Variants in CCDC57 observed in about 807,000 individuals in gnomAD.
CCDC57 encodes the protein coiled-coil domain containing 57, also known as coiled-coil domain-containing protein 57.
In CCDC57, 118 loss-of-function variants were observed where a neutral mutation model predicts 118.9. The ratio of observed to expected loss-of-function variants is 0.99; its 90% CI spans 0.86 to 1.16. CCDC57 has a LOEUF of 1.16. Among genes scored for constraint, CCDC57 ranks in the 50% most tolerant of loss-of-function variants. The pLI, the probability that CCDC57 is intolerant of heterozygous loss-of-function variation, is 0.00. For missense variants in CCDC57, 1,300 were observed against 1,320.7 expected (o/e 0.98, Z 0.24); for synonymous variants, 527 against 532.9 (o/e 0.99, Z 0.15).
chr17:82,152,081 T>C, intron 15 of CCDC57: 2 of 380,312 alleles, frequency 5.3e-6, no homozygotes, highest in Non-Finnish European at 9.7e-6. Flanking sequence ...CATCTATGCC[T>C]TTGTGTCTTT....
At chr17:82,187,396 A>T (rs1248570212) in intron 8 of CCDC57, among the ~76,000 whole-genome samples, 3 of 147,938 alleles carry the variant, frequency 2.0e-5, no homozygotes. Flanking sequence ...ATGTGGACAA[A>T]CTTTGAGGAC....
At chr17:82,122,177 C>T (rs752560616) in intron 19 of CCDC57, among the ~76,000 whole-genome samples, 26 of 152,238 alleles carry the variant, frequency 1.7e-4, no homozygotes, top group Non-Finnish European at 2.9e-4. Flanking sequence ...TCCTTCAGAG[C>T]CTGTGGCCGG....
At chr17:82,157,586 G>A (rs1599005803) in intron 15 of CCDC57, 162 bp downstream of exon 14, 2 of 1,435,900 alleles carry the variant, frequency 1.4e-6, no homozygotes, top group East Asian at 2.5e-5. Context: ...AATGGGGAGA[G>A]GGGGTGGAGC....
intron 16 of CCDC57, among the ~76,000 whole-genome samples, chr17:82,147,380 A>G: frequency 7.0e-6 from 1 of 143,320 alleles, no homozygotes. Flanking sequence ...GGCTAATTGG[A>G]TACATGGGTG....
At chr17:82,206,660 T>A (rs2049689489) in intron 2 of CCDC57, among the ~76,000 whole-genome samples, 1 of 152,058 alleles carries the variant, frequency 6.6e-6, no homozygotes, top group Non-Finnish European at 1.5e-5. Context: ...CTGTTACACG[T>A]ATGTGTTTCC....
rs1244387257 is a variant in CCDC57, at chr17:82,201,923, GC to G, written c.21del (p.Glu7AspfsTer4). ...CGAAGCAGCAGCTCATTCAGGGCGG[GC>G]TCTGAGCCCAGTGGCAGCATGGTGG... On this transcript the variant is annotated frameshift_variant, in exon 3 of 20. Coordinates refer to ENST00000665763, the Ensembl canonical transcript of CCDC57. LOFTEE classifies it high-confidence loss of function. 58 of 1,598,530 alleles carry G rather than the reference GC, an allele frequency of 3.6e-5. No individual in the cohort carries two copies. In the Admixed American group the frequency reaches 7.7e-4, roughly 21 times the overall value.
intron 19 of CCDC57, among the ~76,000 whole-genome samples, chr17:82,116,441 C>T (rs367622549): frequency 2.0e-5 from 3 of 152,086 alleles, no homozygotes; most frequent in African/African-American, 7.2e-5. Context: ...TGATGAGGCT[C>T]TACATGGCGG....
chr17:82,124,077 G>A (rs1159336109), intron 19 of CCDC57, among the ~76,000 whole-genome samples: 2 of 152,052 alleles, frequency 1.3e-5, no homozygotes, highest in Non-Finnish European at 2.9e-5. Flanking sequence ...TGGTGGCGGG[G>A]GCTACCAAAG....
At chr17:82,113,759 CCCATTTCT>C (rs1260202584) in intron 19 of CCDC57, 1 of 670,090 alleles carries the variant, frequency 1.5e-6, no homozygotes. Flanking sequence ...ATAGTGAGAC[CCCATTTCT>C]ACAAAAAAAT....
At chr17:82,209,546 G>A (rs920432100) in intron 1 of CCDC57, among the ~76,000 whole-genome samples, 1 of 152,120 alleles carries the variant, frequency 6.6e-6, no homozygotes, top group African/African-American at 2.4e-5. Flanking sequence ...GCAGTGGCAT[G>A]ATTATAGCTC....
At chr17:82,193,772 C>T (rs1227907445) in exon 7 of CCDC57, 5 of 1,599,490 alleles carry the variant, frequency 3.1e-6, no homozygotes, top group Non-Finnish European at 4.3e-6. Flanking sequence ...TTAAATGTTT[C>T]CTCTTCCTTC....
rs2146270638 is a variant in CCDC57, at chr17:82,172,401, A to T, written c.1729+237T>A. On this transcript the variant is annotated intron_variant, in intron 12 of 19. Coordinates refer to ENST00000665763, the Ensembl canonical transcript of CCDC57. This position sits in a 1 kb window ranked among gnomAD's most constrained non-coding sequence, Gnocchi z 5.2. Reference sequence around the variant, plus strand: ...AGGTTTTTAAGTGTGTCAAGCAGGTACCCTCATTTTTTCCTTCCACTTTAC... The same window carrying T: ...AGGTTTTTAAGTGTGTCAAGCAGGTTCCCTCATTTTTTCCTTCCACTTTAC... 6.6e-6 allele frequency among the ~76,000 whole-genome samples: 1 copy of T among 152,318 alleles called. No individual in the cohort carries two copies. The highest frequency in any genetic ancestry group is 2.1e-4 in the South Asian group (1 of 4,828).
In CCDC57 at chr17:82,209,488, TTTG is replaced by T. The variant is rs570401810; in HGVS notation, c.-210-1443_-210-1441del. 4.6e-5 allele frequency among the ~76,000 whole-genome samples: 7 copies of T among 152,150 alleles called. No individual in the cohort carries two copies. In the East Asian group the frequency reaches 1.4e-3, roughly 29 times the overall value. ...AATAAACTCACAGGTTTTTTTGGTG[TTTG>T]TTGTTTGTTGAGATGGGATCTCACT... On this transcript the variant is annotated intron_variant, in intron 1 of 19. Transcript: ENST00000665763.
chr17:82,197,039 G>A lies in CCDC57; in HGVS notation c.516+1275C>T, dbSNP rs565086751. On this transcript the variant is annotated intron_variant, in intron 4 of 19. Coordinates refer to ENST00000665763, the Ensembl canonical transcript of CCDC57. ...GCAGACGCAGCCCCTCATGACTCCT[G>A]CAGAGATGCAGCCCCTCGTGACTCC... Among the ~76,000 whole-genome samples the A allele has an allele frequency of 1.6e-4, 22 of 137,480 alleles. No homozygotes were observed. In the East Asian group the frequency reaches 4.7e-3, roughly 29 times the overall value. 90.2% of individuals were successfully genotyped at this position (137,480 alleles called of 152,430 possible). A position where few individuals can be genotyped will look rare whatever the true frequency, so the allele number is the denominator to read the frequency against.
chr17:82,165,487 CAA>C (rs752915189), intron 13 of CCDC57, among the ~76,000 whole-genome samples: 5 of 132,238 alleles, frequency 3.8e-5, no homozygotes, highest in Admixed American at 7.6e-5. Flanking sequence ...GAGCTCAGAC[CAA>C]AAAAAAAAAA....
intron 11 of CCDC57, among the ~76,000 whole-genome samples, 188 bp downstream of exon 10, chr17:82,178,286 T>C (rs1039166810): frequency 1.3e-5 from 2 of 152,220 alleles, no homozygotes; most frequent in African/African-American, 4.8e-5. Flanking sequence ...ATATGAAAGA[T>C]ACAAAGAAGC....
exon 20 of CCDC57, chr17:82,101,669 T>C: frequency 6.3e-7 from 1 of 1,584,186 alleles, no homozygotes; most frequent in African/African-American, 1.4e-5. Flanking sequence ...TGGGGCGGGG[T>C]GGGGGGAGGA....
exon 16 of CCDC57, chr17:82,151,585 G>A: frequency 6.5e-7 from 1 of 1,550,336 alleles, no homozygotes; most frequent in East Asian, 2.4e-5. Flanking sequence ...GCTCTGCACG[G>A]AGCCTGTTCC....
intron 8 of CCDC57, among the ~76,000 whole-genome samples, chr17:82,184,745 C>T (rs139020490): frequency 6.6e-6 from 1 of 152,340 alleles, no homozygotes; most frequent in East Asian, 1.9e-4. Flanking sequence ...AGGGGTTAAA[C>T]CTAGCATGAG....
Sources: gnomAD v4.1 joint callset for allele counts (sites outside exome capture counted in the v4.1 genomes callset) on GRCh38, gnomAD v4.1.1 for gene constraint, Gnocchi (gnomAD v3.1) non-coding constraint, MANE v1.5 for transcripts, NCBI Gene and HGNC (gene_info 2026-07-23, HGNC 2026-07-21) for gene names.